EPHA2: variants seen among roughly 807,000 people sequenced by gnomAD.
EPHA2 encodes ephrin type-A receptor 2.
In EPHA2, 54 loss-of-function variants were observed where a neutral mutation model predicts 104.9. That is an observed-to-expected ratio of 0.51 (90% confidence interval 0.41 to 0.65). The LOEUF (loss-of-function observed/expected upper bound fraction) is 0.65, where lower values mean the gene tolerates loss of function less well. Ranked by LOEUF, EPHA2 falls within the 30% of genes least tolerant of loss-of-function variation. The pLI is 0.00. For missense variants in EPHA2, 1,117 were observed against 1,369.5 expected, an observed-to-expected ratio of 0.82 and a Z score of 2.91; for synonymous variants, 560 against 559.1, an observed-to-expected ratio of 1.00 and a Z score of -0.02.
chr1:16,137,791 G>A lies in EPHA2; in HGVS notation c.1312+62C>T, dbSNP rs1318126348. On this transcript the variant is annotated intron_variant, in intron 5 of 16. Transcript: ENST00000358432. ...AAACACACCCGAGCCCCAGATGGCCGTCCTCCTTAAGCCCCACCTGGGCAG... is the reference window on the plus strand; with the variant it reads ...AAACACACCCGAGCCCCAGATGGCCATCCTCCTTAAGCCCCACCTGGGCAG... 46 of 1,597,922 alleles carry A rather than the reference G, an allele frequency of 2.9e-5. No homozygotes were observed. In the East Asian group the frequency reaches 2.9e-4, roughly 10 times the overall value.
At chr1:16,154,140 C>A (rs1256871029) in intron 1 of EPHA2, among the ~76,000 whole-genome samples, 1 of 152,090 alleles carries the variant, frequency 6.6e-6, no homozygotes, top group African/African-American at 2.4e-5. Flanking sequence ...CCCGCCTAAT[C>A]CCCCACCCCC....
chr1:16,136,626 A>AAG (rs2024690230), intron 5 of EPHA2, among the ~76,000 whole-genome samples: 5 of 146,324 alleles, frequency 3.4e-5, no homozygotes, highest in South Asian at 2.1e-4. Context: ...TCTCAAAAAA[A>AAG]AAGAAGAAGA....
Position 16,129,569 on chromosome 1 carries a change from C to T in EPHA2, c.2690G>A (p.Ser897Asn). The T allele has an allele frequency of 6.2e-7, 1 of 1,612,124 alleles. No homozygotes were observed. Among genetic ancestry groups the T allele is most frequent in the Non-Finnish European group, 8.5e-7 (1 of 1,179,898 alleles). Residue 897 changes from serine (S) to asparagine (N), a missense_variant, in exon 16 of 17, where the codon AGC becomes AAC. Around this residue, in one of 3 missense-constraint regions of EPHA2, gnomAD observed 340 missense variants for 480.5 expected, o/e 0.71. Coordinates refer to ENST00000358432, the MANE Select transcript of EPHA2 (RefSeq NM_004431.5). Reference sequence around the variant, plus strand: ...GGGCACCCCCTCCGAGCCGCTCGTGCTGGGGAGCCGGATAGACACGCTGCA... The same window carrying T: ...GGGCACCCCCTCCGAGCCGCTCGTGTTGGGGAGCCGGATAGACACGCTGCA... ...FDPRVSIRLP[S>N]TSGSEGVPFR...
intron 1 of EPHA2, among the ~76,000 whole-genome samples, chr1:16,151,346 G>GC (rs1196080245): frequency 6.6e-6 from 1 of 152,148 alleles, no homozygotes; most frequent in Admixed American, 6.5e-5. Context: ...ACACCACACC[G>GC]CCCCCTCTGC....
At chr1:16,137,077 G>A (rs1331809617) in intron 5 of EPHA2, among the ~76,000 whole-genome samples, 1 of 152,006 alleles carries the variant, frequency 6.6e-6, no homozygotes, top group African/African-American at 2.4e-5. Context: ...TGGGATTACA[G>A]GCATGAGCCA....
chr1:16,131,995 T>C lies in EPHA2; in HGVS notation c.2325+69A>G, dbSNP rs1383682600. ...TCTGCCTCCTGAAGCACTGCCCAGG[T>C]GTGCAGGTGAGAGGACACCATGCAG... On this transcript the variant is annotated intron_variant, in intron 13 of 16. Transcript: ENST00000358432. The surrounding 1 kb of genome is among the most constrained non-coding windows in gnomAD (Gnocchi z 5.2). 6 of 1,611,822 alleles carry C rather than the reference T, an allele frequency of 3.7e-6. No homozygotes were observed. Among genetic ancestry groups the C allele is most frequent in the Non-Finnish European group, 5.1e-6 (6 of 1,178,640 alleles).
At chr1:16,143,588 A>G (rs144073700) in intron 3 of EPHA2, among the ~76,000 whole-genome samples, 40 of 152,108 alleles carry the variant, frequency 2.6e-4, no homozygotes, top group Non-Finnish European at 5.1e-4. Flanking sequence ...GCATGAGGTG[A>G]CTCAGGGACA....
intron 5 of EPHA2, among the ~76,000 whole-genome samples, chr1:16,136,702 GAAGAAGAAGAA>G (rs1273901475): frequency 0.023 from 1,957 of 84,156 alleles, 104 homozygotes; most frequent in African/African-American, 0.14. Flanking sequence ...GGAAGAAGAA[GAAGAAGAAGAA>G]AAGAAGAAGA....
rs1240295350 is a variant in EPHA2 at position 16,133,168 on chromosome 1, C to A, written c.2053+12G>T. 3.7e-6 allele frequency: 6 copies of A among 1,612,876 alleles called. No individual in the cohort carries two copies. Among genetic ancestry groups the A allele is most frequent in the Non-Finnish European group, 4.2e-6 (5 of 1,179,838 alleles). On this transcript the variant is annotated intron_variant, in intron 11 of 16. Coordinates refer to ENST00000358432, the MANE Select transcript of EPHA2 (RefSeq NM_004431.5). ...CCCTCTCCACCCAGTGTGGGCAGGC[C>A]CCAAGCCTCACATTTGGAGATGACG...
Position 16,135,831 on chromosome 1 carries a change from G to A in EPHA2, c.1313-61C>T, listed in dbSNP as rs1023273215. ...AGCTGCCTACGAGCAGGCAGGGTTTGGGGGGACAAGTGGACGTGGAGCCAC... is the reference window on the plus strand; with the variant it reads ...AGCTGCCTACGAGCAGGCAGGGTTTAGGGGGACAAGTGGACGTGGAGCCAC... On this transcript the variant is annotated intron_variant, in intron 5 of 16. Transcript: ENST00000358432. The surrounding 1 kb of genome is among the most constrained non-coding windows in gnomAD (Gnocchi z 4.3). 101 of 804,862 alleles carry A rather than the reference G, an allele frequency of 1.3e-4. No individual in the cohort carries two copies. In the African/African-American group the frequency reaches 1.5e-3, roughly 12 times the overall value. The allele number at this position is 804,862 out of a possible 1,614,324, so 49.9% of individuals were successfully genotyped here.
chr1:16,146,678 CA>C (rs1174704168), intron 3 of EPHA2, among the ~76,000 whole-genome samples: 1 of 152,238 alleles, frequency 6.6e-6, no homozygotes, highest in Non-Finnish European at 1.5e-5. Context: ...GAGCCTACAC[CA>C]CAGGCTTATG....
chr1:16,126,107 G>C (rs1359538447), intron 16 of EPHA2, among the ~76,000 whole-genome samples: 2 of 152,134 alleles, frequency 1.3e-5, no homozygotes, highest in East Asian at 3.9e-4. Flanking sequence ...CAGCAGCCGA[G>C]GGGGAAGGCA....
At position 16,135,633 on chromosome 1, in the gene EPHA2, GC is replaced by G. The variant is rs1282741838; in HGVS notation, c.1428+21del. The G allele has an allele frequency of 1.2e-6, 2 of 1,608,540 alleles. No individual in the cohort carries two copies. Among genetic ancestry groups the G allele is most frequent in the Admixed American group, 1.7e-5 (1 of 60,014 alleles). On this transcript the variant is annotated intron_variant, in intron 6 of 16. Transcript: ENST00000358432. This position sits in a 1 kb window ranked among gnomAD's most constrained non-coding sequence, Gnocchi z 4.3. Reference sequence around the variant, plus strand: ...CCTGCTGTCGGCCCAGCTAGAGCCAGCCCCGCCCCTCTGGGAGTTACCTTCT... The same window carrying G: ...CCTGCTGTCGGCCCAGCTAGAGCCAGCCCGCCCCTCTGGGAGTTACCTTCT...
rs761604244 is a variant in EPHA2, at chr1:16,133,519, T to C, written c.1826A>G (p.His609Arg). The C allele has an allele frequency of 1.9e-6, 3 of 1,614,116 alleles. No individual in the cohort carries two copies. The East Asian group carries it at 6.7e-5, about 36-fold the overall frequency. The change falls in exon 10 of 17, where the codon CAT (histidine) becomes CGT (arginine). Residue 609 changes from histidine (H) to arginine (R), a missense_variant. Transcript: ENST00000358432. ...CTTCTGCCGAGTGACACAGGATGGATGGATCTCGGTAGTGAACTTCAACAC... is the reference window on the plus strand; with the variant it reads ...CTTCTGCCGAGTGACACAGGATGGACGGATCTCGGTAGTGAACTTCAACAC... Reference protein sequence around the residue: ...QAVLKFTTEIHPSCVTRQKVI... With the variant: ...QAVLKFTTEIRPSCVTRQKVI...
chr1:16,154,923 G>A (rs1392996437), intron 1 of EPHA2, among the ~76,000 whole-genome samples: 1 of 152,124 alleles, frequency 6.6e-6, no homozygotes, highest in Admixed American at 6.5e-5. Context: ...TGGACAGGAA[G>A]GTCTTCGGCC....
intron 16 of EPHA2, among the ~76,000 whole-genome samples, chr1:16,126,190 T>C (rs2024463450): frequency 6.6e-6 from 1 of 151,984 alleles, no homozygotes; most frequent in African/African-American, 2.4e-5. Context: ...GGGTACACGC[T>C]CTCCTGGGGC....
intron 11 of EPHA2, among the ~76,000 whole-genome samples, chr1:16,132,784 T>G (rs1570400199): frequency 1.9e-5 from 2 of 103,896 alleles, no homozygotes; most frequent in African/African-American, 4.0e-5. Context: ...CGGGGAGAGG[T>G]GGGCACAGGT....
intron 2 of EPHA2, among the ~76,000 whole-genome samples, chr1:16,149,684 G>A (rs759007585): frequency 6.6e-6 from 1 of 152,062 alleles, no homozygotes; most frequent in African/African-American, 2.4e-5. Flanking sequence ...GGTGCCCCCC[G>A]CCACCCAACT....
intron 3 of EPHA2, among the ~76,000 whole-genome samples, chr1:16,140,532 G>C (rs554419490): frequency 6.6e-6 from 1 of 152,292 alleles, no homozygotes; most frequent in East Asian, 1.9e-4. Flanking sequence ...CTTGTCCAAG[G>C]TCACCAAGCT....
Sources: gnomAD v4.1 joint callset for allele counts (sites outside exome capture counted in the v4.1 genomes callset) on GRCh38, gnomAD v4.1.1 for gene constraint, gnomAD v4.1.1 regional missense constraint, Gnocchi (gnomAD v3.1) non-coding constraint, MANE v1.5 for transcripts, NCBI Gene and HGNC (gene_info 2026-07-23, HGNC 2026-07-21) for gene names.